Variants in WIPF1 observed in about 807,000 individuals in gnomAD.
WIPF1 encodes WAS/WASL interacting protein family member 1.
WIPF1 carries 13 observed loss-of-function variants against 35.4 expected under a neutral mutation model. That is an observed-to-expected ratio of 0.37 (90% confidence interval 0.24 to 0.58). The LOEUF (loss-of-function observed/expected upper bound fraction) is 0.58, where lower values mean the gene tolerates loss of function less well. Among genes scored for constraint, WIPF1 ranks in the 20% least tolerant of loss-of-function variants. The pLI is 0.74. For synonymous variants in WIPF1, 267 were observed against 266.3 expected, an observed-to-expected ratio of 1.00 and a Z score of -0.02; for missense variants, 591 against 667.0, an observed-to-expected ratio of 0.89 and a Z score of 1.25.
At chr2:174,670,118 T>C (rs1365232017) in intron 1 of WIPF1, among the ~76,000 whole-genome samples, 2 of 152,098 alleles carry the variant, frequency 1.3e-5, no homozygotes, top group East Asian at 3.9e-4. Context: ...ACTGAGTTCC[T>C]GGCACCGCCA....
chr2:174,620,946 G>C (rs1372636311), intron 1 of WIPF1, among the ~76,000 whole-genome samples: 1 of 152,182 alleles, frequency 6.6e-6, no homozygotes, highest in Admixed American at 6.5e-5. Context: ...ACAGCAGCCT[G>C]GGAAAATTAG....
intron 1 of WIPF1, among the ~76,000 whole-genome samples, chr2:174,648,947 AT>A (rs1426611700): frequency 6.6e-6 from 1 of 152,266 alleles, no homozygotes; most frequent in African/African-American, 2.4e-5. Flanking sequence ...TAGAGATTAC[AT>A]TTCACATTTG....
intron 1 of WIPF1, among the ~76,000 whole-genome samples, chr2:174,679,771 A>G (rs1688212296): frequency 6.6e-6 from 1 of 152,238 alleles, no homozygotes; most frequent in Non-Finnish European, 1.5e-5. Flanking sequence ...CATTACTCAA[A>G]ACTATACAAG....
chr2:174,610,449 T>C (rs563257137), intron 1 of WIPF1, among the ~76,000 whole-genome samples: 1 of 152,234 alleles, frequency 6.6e-6, no homozygotes, highest in Non-Finnish European at 1.5e-5. Context: ...ATTTAAATAT[T>C]GACTAGTTTG....
At position 174,559,772 on chromosome 2, in the gene WIPF1, A is replaced by C. The variant is rs1386813388; in HGVS notation, c.*2775T>G. On this transcript the variant is annotated 3_prime_UTR_variant, in exon 8 of 8. Coordinates refer to ENST00000679041, the MANE Select transcript of WIPF1 (RefSeq NM_001375834.1). ...AGGGAAAAATTAATTTCATGCCAAC[A>C]TTTTTGGGGAACTTTAACAATCATC... 1.3e-5 allele frequency: 2 copies of C among 152,616 alleles called. No individual in the cohort carries two copies. The highest frequency in any genetic ancestry group is 2.9e-5 in the Non-Finnish European group (2 of 68,020). 9.5% of individuals were successfully genotyped at this position (152,616 alleles called of 1,614,324 possible).
At chr2:174,668,306 G>A (rs1472195456) in intron 1 of WIPF1, among the ~76,000 whole-genome samples, 1 of 152,134 alleles carries the variant, frequency 6.6e-6, no homozygotes, top group Non-Finnish European at 1.5e-5. Context: ...ACTTCTCCGG[G>A]GCTCTGTCTC....
chr2:174,597,323 T>C (rs1408582087), intron 1 of WIPF1, among the ~76,000 whole-genome samples: 1 of 152,160 alleles, frequency 6.6e-6, no homozygotes, highest in Non-Finnish European at 1.5e-5. Context: ...CCAATTTAAA[T>C]GGGAAAATAA....
At chr2:174,630,512 C>G (rs1047795121) in intron 1 of WIPF1, 1 of 152,154 alleles carries the variant, frequency 6.6e-6, no homozygotes, top group Non-Finnish European at 1.5e-5. Flanking sequence ...GAAAAGCTTT[C>G]TATGCACTTT....
At chr2:174,642,191 A>G (rs560714867) in intron 1 of WIPF1, among the ~76,000 whole-genome samples, 3 of 152,278 alleles carry the variant, frequency 2.0e-5, no homozygotes, top group Non-Finnish European at 4.4e-5. Flanking sequence ...AATGTTTAAC[A>G]TTCCCTTATC....
At chr2:174,586,897 G>A (rs1326058728) in intron 1 of WIPF1, among the ~76,000 whole-genome samples, 6 of 152,182 alleles carry the variant, frequency 3.9e-5, no homozygotes, top group African/African-American at 7.2e-5. Flanking sequence ...TGTAGAGATC[G>A]AGCCTTAAGC....
At chr2:174,604,942 C>T (rs1686111816) in intron 1 of WIPF1, among the ~76,000 whole-genome samples, 1 of 152,190 alleles carries the variant, frequency 6.6e-6, no homozygotes, top group Admixed American at 6.5e-5. Context: ...GTGACTGGTT[C>T]AGAGACTACT....
In WIPF1 at chr2:174,572,082, G is replaced by A. The variant is rs751699118; in HGVS notation, c.723C>T (p.Ser241=). ...GGGSIRQSPL[S]SSSPFSNRPP... ...GCCGGTTGGAGAAGGGCGAGGAGGA[G>A]CTCAAGGGGGACTGACGTATTGAGC... Residue 241 remains serine (S), a synonymous_variant, in exon 5 of 8, where the codon AGC becomes AGT. Transcript: ENST00000679041. 1 of 1,577,222 alleles carries A rather than the reference G, an allele frequency of 6.3e-7. No individual in the cohort carries two copies. Among genetic ancestry groups the A allele is most frequent in the Non-Finnish European group, 8.6e-7 (1 of 1,162,720 alleles).
At position 174,575,440 on chromosome 2, in the gene WIPF1, AAAC is replaced by A. The variant is rs1189509186; in HGVS notation, c.182-63_182-61del. On this transcript the variant is annotated intron_variant, in intron 3 of 7. Transcript: ENST00000679041. ...CCTGGTCTGGCCCAGGTAAACCATA[AAAC>A]AACAGTACAACAGGGAGCTGGCCGG... The A allele has an allele frequency of 2.6e-6, 4 of 1,522,478 alleles. No individual in the cohort carries two copies. The African/African-American group carries it at 4.2e-5, about 16-fold the overall frequency. 94.3% of individuals were successfully genotyped at this position (1,522,478 alleles called of 1,614,324 possible).
At chr2:174,671,886 C>T (rs192034009) in intron 1 of WIPF1, among the ~76,000 whole-genome samples, 8 of 152,240 alleles carry the variant, frequency 5.3e-5, no homozygotes, top group Non-Finnish European at 8.8e-5. Context: ...AATTTCACCC[C>T]GTCCTGTGAT....
In WIPF1 at chr2:174,621,494, C is replaced by T. The variant is rs570975901; in HGVS notation, c.-38-35883G>A. Among the ~76,000 whole-genome samples, 6 of 152,006 alleles carry T rather than the reference C, an allele frequency of 3.9e-5. No individual in the cohort carries two copies. In the East Asian group the frequency reaches 1.2e-3, roughly 29 times the overall value. The stretch of plus-strand genomic sequence containing the variant: ...AGCTACAACTCTCCTACCAATCTCC[C>T]CCTCCCCTCCACCCCCATCGCCCAC... On this transcript the variant is annotated intron_variant, in intron 1 of 8. Coordinates refer to the WIPF1 transcript ENST00000272746.
intron 4 of WIPF1, 147 bp downstream of exon 4, chr2:174,575,057 T>C (rs1685001513): frequency 6.3e-6 from 6 of 957,280 alleles, no homozygotes; most frequent in African/African-American, 4.9e-5. Flanking sequence ...AAAGCCTAAA[T>C]TGAGTCTCTT....
At chr2:174,655,061 AG>A (rs1379963635) in intron 1 of WIPF1, among the ~76,000 whole-genome samples, 1 of 152,186 alleles carries the variant, frequency 6.6e-6, no homozygotes, top group South Asian at 2.1e-4. Flanking sequence ...CATTTCCATG[AG>A]GTCCAACCAT....
intron 1 of WIPF1, among the ~76,000 whole-genome samples, chr2:174,650,471 C>T (rs542025632): frequency 2.6e-5 from 4 of 152,296 alleles, no homozygotes; most frequent in Non-Finnish European, 4.4e-5. Flanking sequence ...TACAGTTATA[C>T]GGCAAACACC....
chr2:174,656,425 C>G (rs186525597), intron 1 of WIPF1: 1 of 152,200 alleles, frequency 6.6e-6, no homozygotes, highest in Non-Finnish European at 1.5e-5. Flanking sequence ...CTAAGAAACA[C>G]TTCTAAGGAA....
Sources: allele counts gnomAD v4.1 joint callset (sites outside exome capture counted in the v4.1 genomes callset), GRCh38; gene constraint gnomAD v4.1.1; transcripts MANE v1.5; gene names NCBI Gene and HGNC (gene_info 2026-07-23, HGNC 2026-07-21).